The following GALNT16 variants were observed in gnomAD, a reference collection of about 807,000 sequenced individuals.
The protein encoded by GALNT16 is UDP-GalNAc:polypeptide N-acetylgalactosaminyltransferase-like protein 1.
In GALNT16, 40 loss-of-function variants were observed where a neutral mutation model predicts 76.1. The observed-to-expected ratio is 0.53, with a 90% CI of 0.41 to 0.68. The LOEUF (loss-of-function observed/expected upper bound fraction) is 0.68, where lower values mean the gene tolerates loss of function less well. Ranked by LOEUF, GALNT16 falls within the 30% of genes least tolerant of loss-of-function variation. The pLI is 0.00. For synonymous variants in GALNT16, 276 were observed against 285.2 expected (o/e 0.97, Z 0.32); for missense variants, 621 against 731.9 (o/e 0.85, Z 1.75).
downstream of GALNT16, among the ~76,000 whole-genome samples, chr14:69,361,746 C>CCTGTA (rs1432378993): frequency 5.9e-5 from 9 of 152,174 alleles, no homozygotes; most frequent in African/African-American, 1.7e-4. Context: ...GTGGCTCACA[C>CCTGTA]CTGTAATCCC....
At chr14:69,276,260 G>A (rs17106856) in intron 1 of GALNT16, among the ~76,000 whole-genome samples, 217 of 152,326 alleles carry the variant, frequency 1.4e-3, no homozygotes, top group African/African-American at 4.8e-3. Flanking sequence ...GATACACAGC[G>A]CACTTATGAC....
Position 69,320,775 on chromosome 14 carries a change from C to A in GALNT16, c.242C>A (p.Ala81Asp), listed in dbSNP as rs1444070258. Residue 81 changes from alanine (A) to aspartate (D), a missense_variant, in exon 2 of 15, where the codon GCT (alanine) becomes GAT (aspartate). Coordinates refer to ENST00000448469, the MANE Select transcript of GALNT16 (RefSeq NM_001168368.2). The part of the protein sequence containing the change: ...KAYLSAKQLK[A>D]GEDPYRQHAF... ...TACCTGTCGGCCAAGCAGCTGAAGG[C>A]TGGAGAGGACCCCTACAGACAGCAC... 1 of 1,614,174 alleles carries A rather than the reference C, an allele frequency of 6.2e-7. No homozygotes were observed. The highest frequency in any genetic ancestry group is 8.5e-7 in the Non-Finnish European group (1 of 1,180,004).
At chr14:69,355,798 A>C (rs2045688578), downstream of GALNT16, 1 of 152,208 alleles carries the variant, frequency 6.6e-6, no homozygotes, top group Non-Finnish European at 1.5e-5. Flanking sequence ...GGCCTCTGTG[A>C]CTTGGCTTCA....
chr14:69,295,759 T>C (rs1487534466), intron 1 of GALNT16, among the ~76,000 whole-genome samples: 1 of 150,856 alleles, frequency 6.6e-6, no homozygotes, highest in Non-Finnish European at 1.5e-5. Context: ...TTTGCCATTG[T>C]TCTTTCATCG....
the GALNT16 span, among the ~76,000 whole-genome samples, chr14:69,386,303 A>G: frequency 7.2e-5 from 11 of 152,234 alleles, no homozygotes; most frequent in Non-Finnish European, 1.3e-4. Context: ...CTTCTAGCAC[A>G]GCACCTGACA....
At chr14:69,297,116 T>G (rs1303374149) in intron 1 of GALNT16, among the ~76,000 whole-genome samples, 1 of 152,268 alleles carries the variant, frequency 6.6e-6, no homozygotes, top group Non-Finnish European at 1.5e-5. Context: ...CTTGTACATA[T>G]GTCATTCATC....
intron 14 of GALNT16, chr14:69,348,251 C>T (rs2045592714): frequency 1.7e-6 from 1 of 596,416 alleles, no homozygotes; most frequent in African/African-American, 1.9e-5. Flanking sequence ...GCAGGGACCA[C>T]TTGTCTTGTT....
chr14:69,367,039 G>A, the GALNT16 span, among the ~76,000 whole-genome samples: 1 of 152,122 alleles, frequency 6.6e-6, no homozygotes, highest in African/African-American at 2.4e-5. Context: ...CTTGAGGAAT[G>A]AGATGTACCC....
chr14:69,341,716 A>G lies in GALNT16; in HGVS notation c.1223A>G (p.Asn408Ser). The G allele has an allele frequency of 3.1e-6, 5 of 1,613,314 alleles. No homozygotes were observed. The highest frequency in any genetic ancestry group is 1.7e-4 in the Middle Eastern group (1 of 6,058). ...ATRIEQRKKM[N>S]CKSFRWYLEN... ...CGGATAGAGCAGAGGAAGAAGATGA[A>G]CTGCAAGTCCTTCCGCTGGTACCTG... Residue 408 changes from asparagine (N) to serine (S), a missense_variant, in exon 12 of 15, where the codon AAC becomes AGC. Physicochemically the swap from Asn to Ser is conservative, Grantham distance 46 (BLOSUM62 1). Coordinates refer to ENST00000448469, the MANE Select transcript of GALNT16 (RefSeq NM_001168368.2).
intron 6 of GALNT16, among the ~76,000 whole-genome samples, chr14:69,330,731 G>A (rs1348240725): frequency 5.3e-5 from 8 of 152,176 alleles, no homozygotes; most frequent in African/African-American, 7.2e-5. Flanking sequence ...GCTCTGTTCC[G>A]TGTCCCCCAT....
chr14:69,277,225 C>CT (rs1489129499), intron 1 of GALNT16, among the ~76,000 whole-genome samples: 1 of 152,136 alleles, frequency 6.6e-6, no homozygotes, highest in Non-Finnish European at 1.5e-5. Flanking sequence ...ATATTTTCTC[C>CT]TTTTTTTATT....
chr14:69,310,951 C>T (rs2045010886), intron 1 of GALNT16, among the ~76,000 whole-genome samples: 3 of 152,154 alleles, frequency 2.0e-5, no homozygotes, highest in East Asian at 1.9e-4. Flanking sequence ...TAGTATTATC[C>T]CTCTTTCCAA....
In GALNT16 at chr14:69,331,471, C is replaced by G. The variant is rs762723742; in HGVS notation, c.698C>G (p.Thr233Ser). ...CTCACATCTCTCTCCTAGGACCACA[C>G]CCGCGTGGTGAGTCCCATCATTGAT... Reference protein sequence around the residue: ...PMLQRVKEDHTRVVSPIIDVI... With the variant: ...PMLQRVKEDHSRVVSPIIDVI... The change falls in exon 7 of 15, where the codon ACC becomes AGC. Residue 233 changes from threonine to serine, a missense_variant. Coordinates refer to ENST00000448469, the MANE Select transcript of GALNT16 (RefSeq NM_001168368.2). The G allele has an allele frequency of 1.3e-6, 2 of 1,595,724 alleles. No homozygotes were observed. Among genetic ancestry groups the G allele is most frequent in the Non-Finnish European group, 8.6e-7 (1 of 1,163,424 alleles).
At chr14:69,288,536 T>TG (rs1468058705) in intron 1 of GALNT16, among the ~76,000 whole-genome samples, 1 of 152,184 alleles carries the variant, frequency 6.6e-6, no homozygotes, top group Non-Finnish European at 1.5e-5. Context: ...CCCAGCAGGC[T>TG]GGCCACGTTT....
At chr14:69,339,841 A>C (rs973572823) in intron 11 of GALNT16, among the ~76,000 whole-genome samples, 1 of 152,248 alleles carries the variant, frequency 6.6e-6, no homozygotes, top group Non-Finnish European at 1.5e-5. Flanking sequence ...AGGCTCGCTT[A>C]TGAAAAAGAG....
intron 6 of GALNT16, among the ~76,000 whole-genome samples, chr14:69,329,663 A>C (rs1045944592): frequency 1.3e-5 from 2 of 152,150 alleles, no homozygotes; most frequent in Admixed American, 1.3e-4. Context: ...TTGTACAAGC[A>C]TGGCACTGGC....
intron 1 of GALNT16, among the ~76,000 whole-genome samples, chr14:69,279,285 G>T (rs1395456758): frequency 6.6e-6 from 1 of 152,130 alleles, no homozygotes; most frequent in East Asian, 1.9e-4. Context: ...CATTAATTTT[G>T]ATTTTTAAAA....
chr14:69,291,707 T>C lies in GALNT16; in HGVS notation c.178-29004T>C, dbSNP rs144336986. On this transcript the variant is annotated intron_variant, in intron 1 of 14. Transcript: ENST00000448469. ...GCTCAAGGTCATGTGGAACAGGAGT[T>C]CCACCCCCTGGACTTCAGTCCTTCT... Among the ~76,000 whole-genome samples, 549 of 152,308 alleles carry C rather than the reference T, an allele frequency of 3.6e-3. 3 individuals are homozygous for C. Among genetic ancestry groups the C allele is most frequent in the African/African-American group, 0.013 (531 of 41,564 alleles).
the GALNT16 span, among the ~76,000 whole-genome samples, chr14:69,381,940 C>G: frequency 6.6e-6 from 1 of 152,354 alleles, no homozygotes; most frequent in Admixed American, 6.5e-5. Flanking sequence ...ATCCAGCCGC[C>G]TCGGCCGCCC....
Sources: gnomAD v4.1 joint callset for allele counts (sites outside exome capture counted in the v4.1 genomes callset) on GRCh38, gnomAD v4.1.1 for gene constraint, MANE v1.5 for transcripts, NCBI Gene and HGNC (gene_info 2026-07-23, HGNC 2026-07-21) for gene names.